AKAP13: variants seen among roughly 807,000 people sequenced by gnomAD.
The protein encoded by AKAP13 is A-kinase anchor protein 13.
A neutral mutation model predicts 264.5 loss-of-function variants in AKAP13; 80 were observed. That is an observed-to-expected ratio of 0.30 (90% CI 0.25 to 0.36). The LOEUF is 0.36. Ranked by LOEUF, AKAP13 falls within the 10% of genes least tolerant of loss-of-function variation. The probability of loss-of-function intolerance (pLI) is 1.00; values close to 1 mark genes in which losing one functional copy is unlikely to be tolerated. For synonymous variants in AKAP13, 1,380 were observed against 1,250.2 expected (o/e 1.10, Z -2.19); for missense variants, 3,712 against 3,435.2 (o/e 1.08, Z -2.01).
intron 8 of AKAP13, among the ~76,000 whole-genome samples, chr15:85,601,649 T>TGTGTGTGTGTGTGTGTGTGTGTGTGTG (rs1567149362): frequency 1.3e-5 from 2 of 150,916 alleles, no homozygotes. Flanking sequence ...TGTGTGTGTG[T>TGTGTGTGTGTGTGTGTGTGTGTGTGTG]TTTTCTTCCA....
At chr15:85,551,727 A>G (rs1269547232) in intron 5 of AKAP13, among the ~76,000 whole-genome samples, 4 of 152,250 alleles carry the variant, frequency 2.6e-5, no homozygotes, top group African/African-American at 9.6e-5. Context: ...GTAACAAATT[A>G]TCTATGGCAA....
In AKAP13 at chr15:85,527,164, C is replaced by A. The variant is rs551723699; in HGVS notation, c.181+5589C>A. Among the ~76,000 whole-genome samples, 12 of 152,180 alleles carry A rather than the reference C, an allele frequency of 7.9e-5. No homozygotes were observed. In the South Asian group the frequency reaches 2.3e-3, roughly 29 times the overall value. The stretch of plus-strand genomic sequence containing the variant: ...TTTTTTAGTAGAGACGGGGTTTCAC[C>A]GTGTTAGCCAGGATGGTCTTGATCT... On this transcript the variant is annotated intron_variant, in intron 3 of 36. Coordinates refer to ENST00000394518, the MANE Select transcript of AKAP13 (RefSeq NM_007200.5).
At chr15:85,440,279 G>T (rs2073579778) in intron 1 of AKAP13, among the ~76,000 whole-genome samples, 1 of 152,024 alleles carries the variant, frequency 6.6e-6, no homozygotes, top group Non-Finnish European at 1.5e-5. Flanking sequence ...TTATAGACTT[G>T]TTCACACAAC....
intron 1 of AKAP13, among the ~76,000 whole-genome samples, chr15:85,434,956 A>G (rs1255366526): frequency 2.6e-5 from 4 of 151,586 alleles, no homozygotes; most frequent in Non-Finnish European, 5.9e-5. Context: ...CAGCAACGGA[A>G]CAAAGCTGGA....
intron 2 of AKAP13, among the ~76,000 whole-genome samples, chr15:85,499,066 GTAA>G (rs2075969162): frequency 6.6e-6 from 1 of 152,188 alleles, no homozygotes; most frequent in Admixed American, 6.5e-5. Flanking sequence ...GTGGTTGCCT[GTAA>G]AGATGCATGG....
intron 1 of AKAP13, among the ~76,000 whole-genome samples, chr15:85,473,483 G>GAGAAT (rs1479263664): frequency 6.6e-6 from 1 of 152,210 alleles, no homozygotes; most frequent in Non-Finnish European, 1.5e-5. Flanking sequence ...CTGAGACCTT[G>GAGAAT]GCTTTCTGAT....
At chr15:85,438,170 A>G (rs1330805777) in intron 1 of AKAP13, among the ~76,000 whole-genome samples, 9 of 144,874 alleles carry the variant, frequency 6.2e-5, no homozygotes, top group African/African-American at 2.5e-4. Flanking sequence ...TCATACACCA[A>G]CAACAGACAA....
intron 8 of AKAP13, among the ~76,000 whole-genome samples, chr15:85,600,105 G>A (rs1464476036): frequency 6.6e-6 from 1 of 152,098 alleles, no homozygotes; most frequent in Non-Finnish European, 1.5e-5. Flanking sequence ...CAGAGAAGGT[G>A]AAGGAGACCT....
chr15:85,583,203 G>A (rs2079196178), intron 7 of AKAP13: 1 of 983,344 alleles, frequency 1.0e-6, no homozygotes, highest in Non-Finnish European at 1.2e-6. Context: ...GTTTATTTTT[G>A]CTGTTCTTTT....
chr15:85,518,190 A>G (rs1264109472), intron 2 of AKAP13, among the ~76,000 whole-genome samples: 4 of 152,216 alleles, frequency 2.6e-5, no homozygotes, highest in Admixed American at 1.3e-4. Flanking sequence ...TTAAAGCATC[A>G]TGACAAAAAT....
chr15:85,460,903 T>A (rs1335830502), intron 1 of AKAP13, among the ~76,000 whole-genome samples: 2 of 152,002 alleles, frequency 1.3e-5, no homozygotes, highest in Non-Finnish European at 2.9e-5. Context: ...TTTTTAGCCC[T>A]GTGAGATCGA....
At chr15:85,676,321 A>G (rs940029171) in intron 14 of AKAP13, among the ~76,000 whole-genome samples, 3 of 152,210 alleles carry the variant, frequency 2.0e-5, no homozygotes, top group African/African-American at 7.2e-5. Context: ...AGACAAAGTG[A>G]AGAAGCCTGA....
At chr15:85,496,150 G>A (rs1277958596) in intron 2 of AKAP13, among the ~76,000 whole-genome samples, 1 of 152,166 alleles carries the variant, frequency 6.6e-6, no homozygotes, top group Non-Finnish European at 1.5e-5. Context: ...AGGGTGGATG[G>A]TAGGGTTCGC....
intron 1 of AKAP13, among the ~76,000 whole-genome samples, chr15:85,436,930 A>G (rs2150942641): frequency 6.6e-6 from 1 of 152,144 alleles, no homozygotes; most frequent in African/African-American, 2.4e-5. Context: ...AAGAGCAAAC[A>G]CATTCAAAAG....
chr15:85,432,068 G>A (rs953815474), intron 1 of AKAP13, among the ~76,000 whole-genome samples: 1 of 152,036 alleles, frequency 6.6e-6, no homozygotes, highest in Non-Finnish European at 1.5e-5. Flanking sequence ...TTTGGGTGTT[G>A]AATGTTACAT....
At chr15:85,737,467 C>G (rs771564841) in intron 33 of AKAP13, among the ~76,000 whole-genome samples, 2 of 152,142 alleles carry the variant, frequency 1.3e-5, no homozygotes, top group Admixed American at 6.5e-5. Context: ...TGTGTTTCTT[C>G]TTTTTCTTGT....
chr15:85,445,893 A>G (rs1183527914), intron 1 of AKAP13, among the ~76,000 whole-genome samples: 1 of 152,214 alleles, frequency 6.6e-6, no homozygotes, highest in Non-Finnish European at 1.5e-5. Flanking sequence ...ATTTAATACA[A>G]TCTACAATGT....
At position 85,433,740 on chromosome 15, in the gene AKAP13, G is replaced by T. The variant is rs187945046; in HGVS notation, c.-11-51970G>T. On this transcript the variant is annotated intron_variant, in intron 1 of 36. Transcript: ENST00000394518. ...GGGAGGCTGAAGTGGGTGGATCACC[G>T]AGACCAGCCTGACCAACATGGTGAA... Among the ~76,000 whole-genome samples, 23 of 152,060 alleles carry T rather than the reference G, an allele frequency of 1.5e-4. No individual in the cohort carries two copies. The East Asian group carries it at 4.3e-3, about 28-fold the overall frequency.
At chr15:85,736,555 G>A (rs1308177785) in intron 33 of AKAP13, among the ~76,000 whole-genome samples, 4 of 152,018 alleles carry the variant, frequency 2.6e-5, no homozygotes, top group Non-Finnish European at 4.4e-5. Context: ...CTGCCACCAT[G>A]CCCGGCTAAC....
Sources: gnomAD v4.1 joint callset for allele counts (sites outside exome capture counted in the v4.1 genomes callset) on GRCh38, gnomAD v4.1.1 for gene constraint, MANE v1.5 for transcripts, NCBI Gene and HGNC (gene_info 2026-07-23, HGNC 2026-07-21) for gene names.